ITGBL1: variants seen among roughly 807,000 people sequenced by gnomAD.
ITGBL1 encodes the protein integrin beta-like protein 1.
A neutral mutation model predicts 68.5 loss-of-function variants in ITGBL1; 51 were observed. The observed-to-expected ratio is 0.74, with a 90% CI of 0.59 to 0.94. The LOEUF (loss-of-function observed/expected upper bound fraction) is 0.94. ITGBL1 is among the 40% of genes least tolerant of loss of function. The pLI, the probability that ITGBL1 is intolerant of heterozygous loss-of-function variation, is 0.00. For synonymous variants in ITGBL1, 209 were observed against 227.3 expected, an observed-to-expected ratio of 0.92 and a Z score of 0.72; for missense variants, 649 against 647.4, an observed-to-expected ratio of 1.00 and a Z score of -0.03.
intron 6 of ITGBL1, among the ~76,000 whole-genome samples, chr13:101,593,849 G>T (rs77356701): frequency 0.026 from 3,930 of 152,048 alleles, 58 homozygotes; most frequent in Non-Finnish European, 0.04. Flanking sequence ...TATACAGTAG[G>T]TTGAGGACAG....
At chr13:101,558,437 C>T (rs2050045622) in intron 2 of ITGBL1, among the ~76,000 whole-genome samples, 1 of 152,152 alleles carries the variant, frequency 6.6e-6, no homozygotes, top group Non-Finnish European at 1.5e-5. Flanking sequence ...ATGTAACAAA[C>T]ATGCACTGCT....
intron 2 of ITGBL1, among the ~76,000 whole-genome samples, chr13:101,543,610 G>T (rs1274409927): frequency 2.0e-5 from 3 of 152,136 alleles, no homozygotes; most frequent in Admixed American, 6.5e-5. Context: ...GGCCTGCCTG[G>T]CTAGATTGGG....
At chr13:101,456,377 C>T (rs985461609) in intron 2 of ITGBL1, among the ~76,000 whole-genome samples, 2 of 152,152 alleles carry the variant, frequency 1.3e-5, no homozygotes, top group South Asian at 2.1e-4. Flanking sequence ...CTTGCGAGCC[C>T]GTCGATGTAT....
At chr13:101,546,108 C>T (rs2049818833) in intron 2 of ITGBL1, among the ~76,000 whole-genome samples, 1 of 152,096 alleles carries the variant, frequency 6.6e-6, no homozygotes, top group Non-Finnish European at 1.5e-5. Context: ...CTTTGAGTGA[C>T]AGAGTTCATG....
intron 2 of ITGBL1, among the ~76,000 whole-genome samples, chr13:101,487,205 T>C (rs975712605): frequency 2.0e-5 from 3 of 152,196 alleles, no homozygotes; most frequent in Non-Finnish European, 4.4e-5. Flanking sequence ...GCAGGTGTTA[T>C]GATCCTGTCA....
chr13:101,633,670 A>G (rs1240529020), intron 7 of ITGBL1, among the ~76,000 whole-genome samples: 1 of 152,204 alleles, frequency 6.6e-6, no homozygotes, highest in African/African-American at 2.4e-5. Flanking sequence ...CTTTCGGCCA[A>G]AGTAAGAAAA....
chr13:101,585,439 T>G (rs369409848), intron 6 of ITGBL1, among the ~76,000 whole-genome samples: 46 of 152,256 alleles, frequency 3.0e-4, no homozygotes, highest in African/African-American at 1.1e-3. Context: ...ACAATACCAT[T>G]TTCTTTTTTG....
intron 9 of ITGBL1, among the ~76,000 whole-genome samples, chr13:101,709,479 G>T (rs1036063985): frequency 2.6e-5 from 4 of 151,782 alleles, no homozygotes; most frequent in Admixed American, 2.6e-4. Flanking sequence ...TATCAGAGGG[G>T]AATGATCTGT....
chr13:101,697,250 G>A (rs1371787226), intron 8 of ITGBL1, among the ~76,000 whole-genome samples: 1 of 151,766 alleles, frequency 6.6e-6, no homozygotes, highest in Admixed American at 6.6e-5. Flanking sequence ...AATATATAGA[G>A]AGAAATGGAA....
chr13:101,552,849 GTGAT>G (rs2049943305), intron 2 of ITGBL1, among the ~76,000 whole-genome samples: 1 of 152,136 alleles, frequency 6.6e-6, no homozygotes, highest in African/African-American at 2.4e-5. Context: ...AGATCATAAG[GTGAT>G]TATTGGTAAT....
chr13:101,711,020 A>G (rs1486364883), intron 9 of ITGBL1: 2 of 152,224 alleles, frequency 1.3e-5, no homozygotes, highest in Non-Finnish European at 2.9e-5. Context: ...GGAATGGGCA[A>G]CTGACAAAGG....
At chr13:101,644,246 AGTTT>A (rs1211983743) in intron 7 of ITGBL1, among the ~76,000 whole-genome samples, 1 of 152,150 alleles carries the variant, frequency 6.6e-6, no homozygotes, top group African/African-American at 2.4e-5. Flanking sequence ...TAGATATGTG[AGTTT>A]GTTCTTTCTC....
chr13:101,598,073 A>G (rs2030093412), intron 6 of ITGBL1, 80 bp from the exon 7 acceptor site: 4 of 1,298,368 alleles, frequency 3.1e-6, no homozygotes, highest in African/African-American at 1.5e-5. Flanking sequence ...CATTTGTGAC[A>G]TTTGCTGTTA....
At chr13:101,684,323 A>G (rs1165726929) in intron 7 of ITGBL1, among the ~76,000 whole-genome samples, 3 of 151,814 alleles carry the variant, frequency 2.0e-5, no homozygotes, top group African/African-American at 7.2e-5. Flanking sequence ...GTTCATAAGT[A>G]TTTTCGTTAT....
At chr13:101,665,855 A>G (rs113409045) in intron 7 of ITGBL1, among the ~76,000 whole-genome samples, 1 of 152,186 alleles carries the variant, frequency 6.6e-6, no homozygotes, top group Middle Eastern at 3.2e-3. Context: ...TTGCACAAAG[A>G]CCACCACAGT....
intron 2 of ITGBL1, among the ~76,000 whole-genome samples, chr13:101,539,711 C>T (rs1355176334): frequency 6.6e-6 from 1 of 151,400 alleles, no homozygotes; most frequent in African/African-American, 2.4e-5. Context: ...TCTCCAGCAC[C>T]TGTTGTTTCC....
chr13:101,529,161 T>C (rs1034729787), intron 2 of ITGBL1, among the ~76,000 whole-genome samples: 3 of 149,996 alleles, frequency 2.0e-5, no homozygotes, highest in Non-Finnish European at 3.0e-5. Flanking sequence ...TAGAAAAAAA[T>C]TGAGAAAGAG....
intron 2 of ITGBL1, chr13:101,489,867 A>G (rs1172363919): frequency 2.6e-6 from 2 of 783,980 alleles, no homozygotes; most frequent in Non-Finnish European, 4.1e-6. Context: ...TTGGTGAAAA[A>G]TAGAAACCAG....
chr13:101,543,003 CTT>C (rs1452265695), intron 2 of ITGBL1, among the ~76,000 whole-genome samples: 2 of 152,128 alleles, frequency 1.3e-5, no homozygotes, highest in Admixed American at 1.3e-4. Context: ...GGTCTTGACT[CTT>C]TATCCAATTT....
Sources: allele counts gnomAD v4.1 joint callset (sites outside exome capture counted in the v4.1 genomes callset), GRCh38; gene constraint gnomAD v4.1.1; transcripts MANE v1.5; gene names NCBI Gene and HGNC (gene_info 2026-07-23, HGNC 2026-07-21).